The following NTNG1 variants were observed in gnomAD, a reference collection of about 807,000 sequenced individuals.
NTNG1 encodes the protein netrin-G1.
A neutral mutation model predicts 54.0 loss-of-function variants in NTNG1; 16 were observed. That is an observed-to-expected ratio of 0.30 (90% confidence interval 0.20 to 0.45). NTNG1 has a LOEUF of 0.45. NTNG1 is among the 20% of genes least tolerant of loss of function. The pLI, the probability that NTNG1 is intolerant of heterozygous loss-of-function variation, is 1.00. For missense variants in NTNG1, 530 were observed against 678.7 expected (o/e 0.78, Z 2.43); for synonymous variants, 255 against 263.1 (o/e 0.97, Z 0.30).
intron 4 of NTNG1, among the ~76,000 whole-genome samples, chr1:107,399,186 A>T (rs1672868809): frequency 6.6e-6 from 1 of 152,170 alleles, no homozygotes; most frequent in Non-Finnish European, 1.5e-5. Flanking sequence ...AACCTATTTT[A>T]CCCAATGTTT....
At chr1:107,183,320 T>C (rs1463747272) in intron 2 of NTNG1, among the ~76,000 whole-genome samples, 3 of 152,206 alleles carry the variant, frequency 2.0e-5, no homozygotes, top group South Asian at 2.1e-4. Context: ...AGTTTTGAAA[T>C]AGCCCTCATT....
At position 107,148,970 on chromosome 1, in the gene NTNG1, G is replaced by A. The variant is rs930097320; in HGVS notation, c.246+131G>A. ...GCAGGTGGCAGATTTGTGTTAACAG[G>A]CTAGTTTCTTTCTCAGTGGAGGCTT... On this transcript the variant is annotated intron_variant, in intron 2 of 7. Coordinates refer to ENST00000370068, the MANE Select transcript of NTNG1 (RefSeq NM_001113226.3). 6 of 897,254 alleles carry A rather than the reference G, an allele frequency of 6.7e-6. No individual in the cohort carries two copies. The African/African-American group carries it at 6.7e-5, about 10-fold the overall frequency. 55.6% of individuals were successfully genotyped at this position (897,254 alleles called of 1,614,324 possible).
intron 2 of NTNG1, among the ~76,000 whole-genome samples, chr1:107,296,544 T>C (rs981921593): frequency 4.0e-5 from 6 of 150,020 alleles, no homozygotes; most frequent in African/African-American, 1.2e-4. Context: ...ATTCCAGTTA[T>C]ATATACATAT....
At chr1:107,395,119 T>A (rs989630921) in intron 3 of NTNG1, 35 bp from the exon 4 acceptor site, 1 of 1,582,902 alleles carries the variant, frequency 6.3e-7, no homozygotes, top group East Asian at 2.2e-5. Context: ...GACCAACTTA[T>A]CTGACAATGA....
chr1:107,336,334 A>C lies in NTNG1; in HGVS notation c.887+11412A>C, dbSNP rs574931530. 7.9e-5 allele frequency among the ~76,000 whole-genome samples: 12 copies of C among 152,028 alleles called. No homozygotes were observed. The South Asian group carries it at 2.5e-3, about 32-fold the overall frequency. Reference sequence around the variant, plus strand: ...CATGTATGGTCAAATAATTTTCAACAACGTTGCCAAGACCATCGAGTGAGG... The same window carrying C: ...CATGTATGGTCAAATAATTTTCAACCACGTTGCCAAGACCATCGAGTGAGG... On this transcript the variant is annotated intron_variant, in intron 3 of 7. Coordinates refer to ENST00000370068, the MANE Select transcript of NTNG1 (RefSeq NM_001113226.3).
At chr1:107,458,511 G>A (rs1421885234) in intron 7 of NTNG1, among the ~76,000 whole-genome samples, 1 of 152,078 alleles carries the variant, frequency 6.6e-6, no homozygotes, top group South Asian at 2.1e-4. Context: ...TTGACCATCT[G>A]GCTTAAAATT....
chr1:107,273,798 G>A (rs1664304242), intron 2 of NTNG1, among the ~76,000 whole-genome samples: 1 of 152,120 alleles, frequency 6.6e-6, no homozygotes, highest in Admixed American at 6.5e-5. Flanking sequence ...TACCCCAGTT[G>A]GTGATCCCTG....
intron 1 of NTNG1, among the ~76,000 whole-genome samples, chr1:107,144,587 T>C (rs1653973195): frequency 6.6e-6 from 1 of 152,080 alleles, no homozygotes; most frequent in African/African-American, 2.4e-5. Flanking sequence ...AGGCTTTTTT[T>C]TTCTGGTGAA....
intron 2 of NTNG1, among the ~76,000 whole-genome samples, chr1:107,209,638 TGA>T (rs1659467949): frequency 6.6e-6 from 1 of 152,212 alleles, no homozygotes; most frequent in Non-Finnish European, 1.5e-5. Context: ...GATAGACATA[TGA>T]CCTTAGTTGG....
chr1:107,449,334 C>A (rs1357336293), intron 7 of NTNG1, among the ~76,000 whole-genome samples: 2 of 151,868 alleles, frequency 1.3e-5, no homozygotes, highest in Non-Finnish European at 2.9e-5. Context: ...AAGTGTGATT[C>A]TCTGGGGGTG....
At chr1:107,280,378 G>A (rs921032720) in intron 2 of NTNG1, among the ~76,000 whole-genome samples, 2 of 151,510 alleles carry the variant, frequency 1.3e-5, no homozygotes, top group Non-Finnish European at 2.9e-5. Context: ...AAGTGTGTAT[G>A]TGTGTTTGCA....
chr1:107,483,021 G>A lies in NTNG1; in HGVS notation c.*2181G>A, dbSNP rs1225589864. The A allele has an allele frequency of 2.0e-5, 3 of 152,178 alleles. No individual in the cohort carries two copies. The highest frequency in any genetic ancestry group is 7.2e-5 in the African/African-American group (3 of 41,440). The allele number at this position is 152,178 out of a possible 1,614,324, so 9.4% of individuals were successfully genotyped here. ...CAGAAATTGGAGATTTACGTTGGAA[G>A]CATAAATAGAAAATTATATTTCAGG... On this transcript the variant is annotated 3_prime_UTR_variant, in exon 8 of 8. Coordinates refer to ENST00000370068, the MANE Select transcript of NTNG1 (RefSeq NM_001113226.3).
intron 3 of NTNG1, among the ~76,000 whole-genome samples, chr1:107,365,472 T>TA (rs1163891729): frequency 6.6e-6 from 1 of 151,878 alleles, no homozygotes; most frequent in Non-Finnish European, 1.5e-5. Flanking sequence ...TAAAGGATAA[T>TA]AAAAAAAATT....
intron 2 of NTNG1, among the ~76,000 whole-genome samples, chr1:107,288,452 T>A (rs972560247): frequency 5.3e-5 from 8 of 151,978 alleles, no homozygotes; most frequent in Admixed American, 2.6e-4. Context: ...ATAACATGAA[T>A]ATTGTGAAAT....
At chr1:107,390,553 G>A (rs1413912729) in intron 3 of NTNG1, among the ~76,000 whole-genome samples, 2 of 152,226 alleles carry the variant, frequency 1.3e-5, no homozygotes, top group East Asian at 1.9e-4. Flanking sequence ...CCAATGTAGT[G>A]TAAGTTATGA....
At chr1:107,153,832 A>G (rs750786950) in intron 2 of NTNG1, among the ~76,000 whole-genome samples, 11 of 152,172 alleles carry the variant, frequency 7.2e-5, no homozygotes, top group Non-Finnish European at 1.3e-4. Context: ...ACTGGATTTG[A>G]GTTGAAACTG....
chr1:107,278,408 A>G (rs540106833), intron 2 of NTNG1, among the ~76,000 whole-genome samples: 17 of 152,306 alleles, frequency 1.1e-4, no homozygotes, highest in African/African-American at 4.1e-4. Flanking sequence ...GACTTCAGGG[A>G]AATAGATGAT....
chr1:107,282,033 G>C (rs1159560615), intron 2 of NTNG1, among the ~76,000 whole-genome samples: 4 of 152,124 alleles, frequency 2.6e-5, no homozygotes, highest in Non-Finnish European at 4.4e-5. Flanking sequence ...AGTTGAGTCT[G>C]ACACGTGGAC....
At chr1:107,218,979 T>C (rs1321017166) in intron 2 of NTNG1, among the ~76,000 whole-genome samples, 1 of 152,180 alleles carries the variant, frequency 6.6e-6, no homozygotes, top group African/African-American at 2.4e-5. Flanking sequence ...TTTTCCTCGA[T>C]TATAGCTCCA....
Sources: gnomAD v4.1 joint callset for allele counts (sites outside exome capture counted in the v4.1 genomes callset) on GRCh38, gnomAD v4.1.1 for gene constraint, MANE v1.5 for transcripts, NCBI Gene and HGNC (gene_info 2026-07-23, HGNC 2026-07-21) for gene names.